PRDM14: variants seen among roughly 807,000 people sequenced by gnomAD.
The protein encoded by PRDM14 is PR domain zinc finger protein 14.
Under a neutral mutation model 48.0 loss-of-function variants are expected in PRDM14, and 16 were observed. The ratio of observed to expected loss-of-function variants is 0.33; its 90% confidence interval spans 0.23 to 0.51. The LOEUF is 0.51. PRDM14 is among the 20% of genes least tolerant of loss of function. The pLI is 0.97. For synonymous variants in PRDM14, 264 were observed against 276.6 expected (o/e 0.95, Z 0.45); for missense variants, 566 against 719.6 (o/e 0.79, Z 2.44).
rs1373085525 is a variant in PRDM14 at position 70,069,826 on chromosome 8, T to G, written c.35A>C (p.Gln12Pro). ...CTCCGGCGGGTAGCACACCTTGTCC[T>G]GAGGCACGGCCTCACTTGGCCGGGG... ...ALPRPSEAVP[Q>P]DKVCYPPESS... is the part of the protein sequence containing the mutation. The change falls in exon 2 of 8, where the codon CAG (glutamine) becomes CCG (proline). Residue 12 changes from glutamine (Q) to proline (P), a missense_variant. Physicochemically the swap from Gln to Pro is moderately conservative, Grantham distance 76. Coordinates refer to ENST00000276594, the MANE Select transcript of PRDM14 (RefSeq NM_024504.4). The G allele has an allele frequency of 6.2e-7, 1 of 1,607,644 alleles. No individual in the cohort carries two copies. The highest frequency in any genetic ancestry group is 8.5e-7 in the Non-Finnish European group (1 of 1,177,688).
intron 1 of PRDM14, among the ~76,000 whole-genome samples, chr8:70,070,481 G>T (rs1384350254): frequency 6.6e-6 from 1 of 152,178 alleles, no homozygotes; most frequent in Non-Finnish European, 1.5e-5. Flanking sequence ...GCAGGTCCAG[G>T]GACCCCGCGA....
chr8:70,058,107 T>C (rs113694998), intron 6 of PRDM14, among the ~76,000 whole-genome samples: 1 of 152,226 alleles, frequency 6.6e-6, no homozygotes, highest in African/African-American at 2.4e-5. Context: ...CGTAATGTCA[T>C]TACTGATTTT....
intron 5 of PRDM14, among the ~76,000 whole-genome samples, chr8:70,064,341 C>T (rs1805631379): frequency 6.6e-6 from 1 of 151,918 alleles, no homozygotes; most frequent in South Asian, 2.1e-4. Flanking sequence ...TCCCTCTCTC[C>T]CTCTTACACG....
chr8:70,068,591 T>C (rs1238646320), intron 2 of PRDM14, 59 bp from the exon 3 acceptor site: 3 of 1,418,006 alleles, frequency 2.1e-6, no homozygotes, highest in Non-Finnish European at 2.0e-6. Context: ...AGTGCTTTTA[T>C]GAGGTGTTTC....
intron 5 of PRDM14, among the ~76,000 whole-genome samples, chr8:70,059,563 C>A (rs1292723965): frequency 1.3e-5 from 2 of 152,072 alleles, no homozygotes; most frequent in Non-Finnish European, 2.9e-5. Flanking sequence ...AGCCACCATG[C>A]CCGGCCGCCA....
intron 1 of PRDM14, among the ~76,000 whole-genome samples, chr8:70,070,281 C>G (rs540598703): frequency 1.4e-4 from 21 of 152,292 alleles, no homozygotes; most frequent in African/African-American, 5.1e-4. Flanking sequence ...CTACAAAACT[C>G]GTTGGTAGGG....
intron 6 of PRDM14, among the ~76,000 whole-genome samples, chr8:70,058,402 G>A (rs544881980): frequency 1.3e-5 from 2 of 152,148 alleles, no homozygotes; most frequent in Non-Finnish European, 2.9e-5. Flanking sequence ...CCAGGTGGCC[G>A]TGGACACTCC....
chr8:70,069,141 A>G lies in PRDM14; in HGVS notation c.700+20T>C, dbSNP rs763364915. 1 of 1,470,010 alleles carries G rather than the reference A, an allele frequency of 6.8e-7. No individual in the cohort carries two copies. The highest frequency in any genetic ancestry group is 2.4e-5 in the East Asian group (1 of 42,006). The allele number at this position is 1,470,010 out of a possible 1,614,324, so 91.1% of individuals were successfully genotyped here. A position where few individuals can be genotyped will look rare whatever the true frequency, so the allele number is the denominator to read the frequency against. ...CATTCCCGTCCAATTCGACTCCCAAATGGTGTGAACTCCCTTTACCAGAGC... is the reference window on the plus strand; with the variant it reads ...CATTCCCGTCCAATTCGACTCCCAAGTGGTGTGAACTCCCTTTACCAGAGC... On this transcript the variant is annotated intron_variant, in intron 2 of 7. Coordinates refer to ENST00000276594, the MANE Select transcript of PRDM14 (RefSeq NM_024504.4).
At chr8:70,060,770 G>A (rs1313153020) in intron 5 of PRDM14, among the ~76,000 whole-genome samples, 2 of 152,134 alleles carry the variant, frequency 1.3e-5, no homozygotes, top group South Asian at 2.1e-4. Flanking sequence ...CACTGAGGCC[G>A]ACCTATTTCT....
Position 70,068,320 on chromosome 8 carries a change from G to C in PRDM14, c.822C>G (p.Ile274Met). The change falls in exon 4 of 8, where the codon ATC becomes ATG. Residue 274 changes from isoleucine to methionine, a missense_variant. Physicochemically the swap from Ile to Met is conservative, Grantham distance 10 (BLOSUM62 1). Around this residue, in one of 3 missense-constraint regions of PRDM14, gnomAD observed 410 missense variants for 424.6 expected, o/e 0.97. Coordinates refer to ENST00000276594, the MANE Select transcript of PRDM14 (RefSeq NM_024504.4). Reference protein sequence around the residue: ...PHFGVFCSSFIAKGVRFGPFQ... With the variant: ...PHFGVFCSSFMAKGVRFGPFQ... Reference sequence around the variant, plus strand: ...AGGGCCCAAACCTGACTCCTTTGGCGATAAAACTACTGCAGAACACACCAA... The same window carrying C: ...AGGGCCCAAACCTGACTCCTTTGGCCATAAAACTACTGCAGAACACACCAA... The C allele has an allele frequency of 6.2e-7, 1 of 1,614,156 alleles. No individual in the cohort carries two copies.
At chr8:70,052,855 A>T (rs1805409814) in intron 7 of PRDM14, among the ~76,000 whole-genome samples, 1 of 105,376 alleles carries the variant, frequency 9.5e-6, no homozygotes, top group African/African-American at 3.9e-5. Context: ...ACAGAGTGAG[A>T]CTCTGTCTCC....
At chr8:70,069,114 T>C (rs1184126585) in intron 2 of PRDM14, 47 bp downstream of exon 2, 1 of 1,406,126 alleles carries the variant, frequency 7.1e-7, no homozygotes, top group Admixed American at 2.6e-5. Flanking sequence ...CGTTCCCGCC[T>C]GCATTCCCGT....
intron 5 of PRDM14, among the ~76,000 whole-genome samples, chr8:70,059,276 CTT>C (rs1306697343): frequency 5.6e-5 from 8 of 143,280 alleles, no homozygotes; most frequent in African/African-American, 7.8e-5. Context: ...CTTTTCTTTT[CTT>C]TTTTTTTTTT....
chr8:70,060,541 T>C (rs1314520961), intron 5 of PRDM14, among the ~76,000 whole-genome samples: 1 of 152,238 alleles, frequency 6.6e-6, no homozygotes, highest in Non-Finnish European at 1.5e-5. Flanking sequence ...AATTACTTTC[T>C]GGTCAGTCCA....
rs145886654 is a variant in PRDM14 at position 70,069,474 on chromosome 8, C to T, written c.387G>A (p.Leu129=). The change falls in exon 2 of 8, where the codon CTG becomes CTA. Residue 129 remains leucine (L), a synonymous_variant. Coordinates refer to ENST00000276594, the MANE Select transcript of PRDM14 (RefSeq NM_024504.4). The stretch of plus-strand genomic sequence containing the variant: ...TGTCGCCACCAATGATTTGGTGGCC[C>T]AGATCTTCACTGCTGGCACCCGCGT... ...HEYAGASSED[L]GHQIIGGDNE... The T allele has an allele frequency of 5.2e-5, 82 of 1,580,292 alleles. No individual in the cohort carries two copies. The highest frequency in any genetic ancestry group is 7.1e-5 in the Non-Finnish European group (82 of 1,161,300).
chr8:70,065,126 T>C (rs1232792302), intron 5 of PRDM14, among the ~76,000 whole-genome samples: 1 of 151,946 alleles, frequency 6.6e-6, no homozygotes, highest in African/African-American at 2.4e-5. Context: ...GACCTGGTGA[T>C]CTGCCCATTT....
intron 2 of PRDM14, 60 bp from the exon 3 acceptor site, chr8:70,068,592 G>A: frequency 7.2e-7 from 1 of 1,395,230 alleles, no homozygotes. Flanking sequence ...GTGCTTTTAT[G>A]AGGTGTTTCC....
At chr8:70,052,511 C>A (rs1456018587) in intron 7 of PRDM14, among the ~76,000 whole-genome samples, 1 of 152,086 alleles carries the variant, frequency 6.6e-6, no homozygotes, top group Admixed American at 6.6e-5. Context: ...TTGAGAAGCA[C>A]TGGATGTTAG....
rs202174783 is a variant in PRDM14 at position 70,069,877 on chromosome 8, C to G, written c.-17G>C. 2 of 1,554,060 alleles carry G rather than the reference C, an allele frequency of 1.3e-6. No individual in the cohort carries two copies. The highest frequency in any genetic ancestry group is 2.3e-5 in the East Asian group (1 of 43,100). On this transcript the variant is annotated 5_prime_UTR_variant, in exon 2 of 8. Transcript: ENST00000276594. ...TAGAGCCATCCCGGGACCGCACGCTCGGCGGCTCTGCAGAAAAGCGGGCGC... is the reference window on the plus strand; with the variant it reads ...TAGAGCCATCCCGGGACCGCACGCTGGGCGGCTCTGCAGAAAAGCGGGCGC...
Sources: allele counts gnomAD v4.1 joint callset (sites outside exome capture counted in the v4.1 genomes callset), GRCh38; gene constraint gnomAD v4.1.1; regional missense constraint gnomAD v4.1.1; transcripts MANE v1.5; gene names NCBI Gene and HGNC (gene_info 2026-07-23, HGNC 2026-07-21).